The following PIEZO2 variants were observed in gnomAD, a reference collection of about 807,000 sequenced individuals.
The protein encoded by PIEZO2 is piezo type mechanosensitive ion channel component 2.
In PIEZO2, 172 loss-of-function variants were observed where a neutral mutation model predicts 337.3. The ratio of observed to expected loss-of-function variants is 0.51; its 90% CI spans 0.45 to 0.58. The LOEUF (loss-of-function observed/expected upper bound fraction) is 0.58, where lower values mean the gene tolerates loss of function less well. Among genes scored for constraint, PIEZO2 ranks in the 20% least tolerant of loss-of-function variants. The pLI, the probability that PIEZO2 is intolerant of heterozygous loss-of-function variation, is 0.00. For synonymous variants in PIEZO2, 1,251 were observed against 1,228.5 expected (o/e 1.02, Z -0.38); for missense variants, 3,028 against 3,391.3 (o/e 0.89, Z 2.66).
Position 11,092,984 on chromosome 18 carries a change from G to A in PIEZO2, c.65-26762C>T, listed in dbSNP as rs2039142603. ...TTACCCCAAAGCCTAACGAGCCCAA[G>A]AGCTTATAATATCGAGTGTGTTTGA... is the stretch of plus-strand genomic sequence containing the variant. On this transcript the variant is annotated intron_variant, in intron 1 of 55. Coordinates refer to ENST00000674853, the MANE Select transcript of PIEZO2 (RefSeq NM_001378183.1). This position sits in a 1 kb window ranked among gnomAD's most constrained non-coding sequence, Gnocchi z 4.5. Among the ~76,000 whole-genome samples the A allele has an allele frequency of 6.6e-6, 1 of 152,164 alleles. No individual in the cohort carries two copies. The highest frequency in any genetic ancestry group is 1.5e-5 in the Non-Finnish European group (1 of 68,036).
chr18:10,801,398 G>T lies in PIEZO2; in HGVS notation c.1231C>A (p.Pro411Thr), dbSNP rs1181794331. The change falls in exon 10 of 56, where the codon CCA (proline) becomes ACA (threonine). Residue 411 changes from proline to threonine, a missense_variant. Pro to Thr is a conservative substitution (Grantham distance 38, BLOSUM62 -1). Coordinates refer to ENST00000674853, the MANE Select transcript of PIEZO2 (RefSeq NM_001378183.1). ...LLSMTQDDYK[P>T]SDGLLVTVNG... ...TCTAAGGGTATACTAACATCAGATGGTTTGTAGTCATCCTGGGTCATGGAT... is the reference window on the plus strand; with the variant it reads ...TCTAAGGGTATACTAACATCAGATGTTTTGTAGTCATCCTGGGTCATGGAT... 5.3e-6 allele frequency: 8 copies of T among 1,501,788 alleles called. No homozygotes were observed. The highest frequency in any genetic ancestry group is 2.7e-6 in the Non-Finnish European group (3 of 1,114,374). 93.0% of individuals were successfully genotyped at this position (1,501,788 alleles called of 1,614,324 possible).
At chr18:11,037,457 A>T (rs560126227) in intron 2 of PIEZO2, among the ~76,000 whole-genome samples, 2 of 152,226 alleles carry the variant, frequency 1.3e-5, no homozygotes, top group African/African-American at 4.8e-5. Flanking sequence ...AATAAATTGG[A>T]AGAAAAATAC....
rs368457882 is a variant in PIEZO2 at position 11,043,698 on chromosome 18, AT to A, written c.160+22428del. On this transcript the variant is annotated intron_variant, in intron 2 of 55. Transcript: ENST00000674853. Reference sequence around the variant, plus strand: ...CCCAAAATACACAGAGAGCTTACTGATTTTTTTTTTTCTTGAGACCGAGTCT... The same window carrying A: ...CCCAAAATACACAGAGAGCTTACTGATTTTTTTTTTCTTGAGACCGAGTCT... Among the ~76,000 whole-genome samples the A allele has an allele frequency of 7.7e-3, 1,141 of 148,194 alleles. 8 individuals carry two copies. The highest frequency in any genetic ancestry group is 0.021 in the Middle Eastern group (6 of 284).
Position 10,870,095 on chromosome 18 carries a change from C to T in PIEZO2, c.492+1158G>A, listed in dbSNP as rs1416352291. ...TTCACCATGTTGGCCAGGCTGGTCT[C>T]GAACTCATGACCTCAGGTGATCTGC... On this transcript the variant is annotated intron_variant, in intron 5 of 55. Transcript: ENST00000674853. This position sits in a 1 kb window ranked among gnomAD's most constrained non-coding sequence, Gnocchi z 5.3. Among the ~76,000 whole-genome samples, 2 of 152,168 alleles carry T rather than the reference C, an allele frequency of 1.3e-5. No homozygotes were observed. The highest frequency in any genetic ancestry group is 1.5e-5 in the Non-Finnish European group (1 of 68,024).
chr18:10,814,087 C>T (rs1298930793), intron 7 of PIEZO2, among the ~76,000 whole-genome samples: 1 of 151,904 alleles, frequency 6.6e-6, no homozygotes, highest in African/African-American at 2.4e-5. Context: ...CCTGCCTCAG[C>T]CTCCCAAGTA....
At chr18:10,911,575 T>C (rs1040003463) in intron 3 of PIEZO2, among the ~76,000 whole-genome samples, 5 of 151,960 alleles carry the variant, frequency 3.3e-5, no homozygotes, top group South Asian at 2.1e-4. Flanking sequence ...GCCAACATGG[T>C]GAAACCCTGT....
rs758242739 is a variant in PIEZO2, at chr18:11,131,843, G to A, written c.64+16682C>T. ...TGGAGGAGGAGTTTAATAATGAAGCGGATAGGATGACCTGTTGTGTGGACA... is the reference window on the plus strand; with the variant it reads ...TGGAGGAGGAGTTTAATAATGAAGCAGATAGGATGACCTGTTGTGTGGACA... On this transcript the variant is annotated intron_variant, in intron 1 of 55. Coordinates refer to ENST00000674853, the MANE Select transcript of PIEZO2 (RefSeq NM_001378183.1). The surrounding 1 kb of genome is among the most constrained non-coding windows in gnomAD (Gnocchi z 5.3). Among the ~76,000 whole-genome samples, 9 of 152,206 alleles carry A rather than the reference G, an allele frequency of 5.9e-5. No homozygotes were observed. Among genetic ancestry groups the A allele is most frequent in the Middle Eastern group, 3.4e-3 (1 of 294 alleles).
At position 10,872,683 on chromosome 18, in the gene PIEZO2, T is replaced by C. The variant is rs950969288; in HGVS notation, c.330-1268A>G. On this transcript the variant is annotated intron_variant, in intron 4 of 55. Transcript: ENST00000674853. The surrounding 1 kb of genome is among the most constrained non-coding windows in gnomAD (Gnocchi z 4.3). ...AGTGCTCTAGTGATGTGTAGTGCTG[T>C]AACCACAGTACCTATTACTATTATT... Among the ~76,000 whole-genome samples the C allele has an allele frequency of 6.6e-6, 1 of 152,226 alleles. No homozygotes were observed. Among genetic ancestry groups the C allele is most frequent in the South Asian group, 2.1e-4 (1 of 4,838 alleles).
rs1008474196 is a variant in PIEZO2, at chr18:11,077,220, A to G, written c.65-10998T>C. On this transcript the variant is annotated intron_variant, in intron 1 of 55. Coordinates refer to ENST00000674853, the MANE Select transcript of PIEZO2 (RefSeq NM_001378183.1). The surrounding 1 kb of genome is among the most constrained non-coding windows in gnomAD (Gnocchi z 4.8). ...ATGAATAAGAATAATTAGGGGGCCA[A>G]CTGGGAGCTAAGAAAAGGTCAAATA... 2.6e-5 allele frequency among the ~76,000 whole-genome samples: 4 copies of G among 152,232 alleles called. No homozygotes were observed. Among genetic ancestry groups the G allele is most frequent in the Non-Finnish European group, 4.4e-5 (3 of 68,046 alleles).
At chr18:11,137,816 T>C (rs1218772469) in intron 1 of PIEZO2, among the ~76,000 whole-genome samples, 2 of 152,236 alleles carry the variant, frequency 1.3e-5, no homozygotes, top group Non-Finnish European at 1.5e-5. Flanking sequence ...GCCAAACTGC[T>C]GCCCTAGAGG....
At chr18:11,130,487 C>T (rs749995704) in intron 1 of PIEZO2, among the ~76,000 whole-genome samples, 7 of 152,220 alleles carry the variant, frequency 4.6e-5, no homozygotes, top group Non-Finnish European at 1.0e-4. Flanking sequence ...TAATCTTATT[C>T]GGAGAGACCT....
chr18:10,800,445 C>A lies in PIEZO2; in HGVS notation c.1270G>T (p.Val424Leu). The change falls in exon 11 of 56, where the codon GTG becomes TTG. Residue 424 changes from valine to leucine, a missense_variant. Coordinates refer to ENST00000674853, the MANE Select transcript of PIEZO2 (RefSeq NM_001378183.1). ...CTTGGGTGGATGGTGTGGTAATCCACGGGGTTGCCGTTCACAGTCACCAGC... is the reference window on the plus strand; with the variant it reads ...CTTGGGTGGATGGTGTGGTAATCCAAGGGGTTGCCGTTCACAGTCACCAGC... ...GLLVTVNGNP[V>L]DYHTIHPSLP... 6.5e-7 allele frequency: 1 copy of A among 1,534,744 alleles called. No individual in the cohort carries two copies. The highest frequency in any genetic ancestry group is 8.7e-7 in the Non-Finnish European group (1 of 1,145,916).
rs937750264 is a variant in PIEZO2 at position 10,724,461 on chromosome 18, C to T, written c.5030-6202G>A. On this transcript the variant is annotated intron_variant, in intron 36 of 55. Coordinates refer to ENST00000674853, the MANE Select transcript of PIEZO2 (RefSeq NM_001378183.1). The surrounding 1 kb of genome is among the most constrained non-coding windows in gnomAD (Gnocchi z 5.8). ...CTGCAGCCAATCAGACCCCTGGTAG[C>T]AGAGCCTGGGCCCACCAAAGGCAAT... Among the ~76,000 whole-genome samples the T allele has an allele frequency of 2.6e-5, 4 of 152,196 alleles. No individual in the cohort carries two copies. The highest frequency in any genetic ancestry group is 6.5e-5 in the Admixed American group (1 of 15,284).
intron 3 of PIEZO2, among the ~76,000 whole-genome samples, chr18:10,968,226 TC>T (rs1669907784): frequency 6.6e-6 from 1 of 152,346 alleles, no homozygotes; most frequent in South Asian, 2.1e-4. Context: ...CACTTTATGT[TC>T]TTGTTTGCTT....
intron 4 of PIEZO2, among the ~76,000 whole-genome samples, chr18:10,880,627 A>T (rs1185072971): frequency 2.6e-5 from 4 of 151,990 alleles, no homozygotes; most frequent in Admixed American, 2.6e-4. Flanking sequence ...TCAAATGAGC[A>T]TTGTTTAAAC....
rs2040207275 is a variant in PIEZO2, at chr18:11,127,220, G to T, written c.64+21305C>A. Among the ~76,000 whole-genome samples the T allele has an allele frequency of 6.6e-6, 1 of 152,208 alleles. No individual in the cohort carries two copies. Among genetic ancestry groups the T allele is most frequent in the African/African-American group, 2.4e-5 (1 of 41,438 alleles). ...GGTGCGGAAAGAGGTCCCTGAGGAGGTGACATTTAGGCTGAGATATAGGAG... is the reference window on the plus strand; with the variant it reads ...GGTGCGGAAAGAGGTCCCTGAGGAGTTGACATTTAGGCTGAGATATAGGAG... On this transcript the variant is annotated intron_variant, in intron 1 of 55. Coordinates refer to ENST00000674853, the MANE Select transcript of PIEZO2 (RefSeq NM_001378183.1). The surrounding 1 kb of genome is among the most constrained non-coding windows in gnomAD (Gnocchi z 4.5).
In PIEZO2 at chr18:10,916,498, C is replaced by T. The variant is rs571776574; in HGVS notation, c.287-5270G>A. 5.9e-5 allele frequency among the ~76,000 whole-genome samples: 9 copies of T among 152,284 alleles called. No individual in the cohort carries two copies. In the East Asian group the frequency reaches 9.7e-4, roughly 16 times the overall value. On this transcript the variant is annotated intron_variant, in intron 3 of 55. Transcript: ENST00000674853. The stretch of plus-strand genomic sequence containing the variant: ...GGCGGCCCAGGAGTGCTGGGGGACC[C>T]AGTTCCCCCTCCACACCTGCTGGCC...
chr18:10,963,013 A>G (rs2033849828), intron 3 of PIEZO2, among the ~76,000 whole-genome samples: 1 of 152,136 alleles, frequency 6.6e-6, no homozygotes, highest in Non-Finnish European at 1.5e-5. Context: ...CTGGCCTGGT[A>G]TGGTGGTTCA....
At chr18:10,678,253 T>C (rs902240403) in intron 52 of PIEZO2, among the ~76,000 whole-genome samples, 39 of 152,224 alleles carry the variant, frequency 2.6e-4, no homozygotes, top group African/African-American at 9.6e-5. Context: ...CAGTCAGAAA[T>C]TGAATTTTAA....
Sources: allele counts gnomAD v4.1 joint callset (sites outside exome capture counted in the v4.1 genomes callset), GRCh38; gene constraint gnomAD v4.1.1; non-coding constraint Gnocchi (gnomAD v3.1); transcripts MANE v1.5; gene names NCBI Gene and HGNC (gene_info 2026-07-23, HGNC 2026-07-21).